The following UVRAG variants were observed in gnomAD, a reference collection of about 807,000 sequenced individuals.
The protein encoded by UVRAG is UV radiation resistance associated.
A neutral mutation model predicts 78.0 loss-of-function variants in UVRAG; 19 were observed. That is an observed-to-expected ratio of 0.24 (90% CI 0.17 to 0.36). The LOEUF (loss-of-function observed/expected upper bound fraction) is 0.36, where lower values mean the gene tolerates loss of function less well. Among genes scored for constraint, UVRAG ranks in the 10% least tolerant of loss-of-function variants. UVRAG has a pLI of 1.00. For synonymous variants in UVRAG, 323 were observed against 324.6 expected, an observed-to-expected ratio of 1.00 and a Z score of 0.05; for missense variants, 740 against 853.8, an observed-to-expected ratio of 0.87 and a Z score of 1.66.
intron 6 of UVRAG, chr11:75,930,947 C>CTTTCTTTCT (rs1555089532): frequency 7.4e-4 from 108 of 146,720 alleles, no homozygotes; most frequent in Admixed American, 1.1e-3. Context: ...TTCTTTCTTT[C>CTTTCTTTCT]TTTCTTTCTT....
intron 5 of UVRAG, among the ~76,000 whole-genome samples, chr11:75,894,357 A>G (rs1282305581): frequency 6.6e-6 from 1 of 152,134 alleles, no homozygotes; most frequent in African/African-American, 2.4e-5. Context: ...GAAGAAAAAA[A>G]AAACTCCAGC....
At chr11:75,872,911 T>C (rs1256841003) in intron 3 of UVRAG, among the ~76,000 whole-genome samples, 1 of 152,200 alleles carries the variant, frequency 6.6e-6, no homozygotes, top group East Asian at 1.9e-4. Context: ...ACTGAACCTT[T>C]GGTAATGGTG....
rs147205003 is a variant in UVRAG, at chr11:75,899,640, C to T, written c.507+10737C>T. ...TGTATGACATCTCCACATTTCTTCC[C>T]ACTTCATATAGTGTGACAGCGTACC... On this transcript the variant is annotated intron_variant, in intron 5 of 14. Coordinates refer to ENST00000356136, the MANE Select transcript of UVRAG (RefSeq NM_003369.4). 1.6e-3 allele frequency among the ~76,000 whole-genome samples: 242 copies of T among 152,312 alleles called. 1 individual carries two copies. The highest frequency in any genetic ancestry group is 5.7e-3 in the African/African-American group (236 of 41,576).
intron 13 of UVRAG, among the ~76,000 whole-genome samples, chr11:76,071,410 T>C (rs1195915520): frequency 2.0e-5 from 3 of 152,122 alleles, no homozygotes; most frequent in Admixed American, 6.5e-5. Flanking sequence ...AGTGTAGTAA[T>C]TGAGTGGCAG....
chr11:75,995,539 A>G (rs1359974011), intron 8 of UVRAG, among the ~76,000 whole-genome samples: 2 of 149,934 alleles, frequency 1.3e-5, no homozygotes, highest in Non-Finnish European at 3.0e-5. Context: ...TGACCTACAT[A>G]TGTAGTTTGT....
chr11:76,037,703 C>T (rs571288136), intron 12 of UVRAG, among the ~76,000 whole-genome samples: 1 of 152,208 alleles, frequency 6.6e-6, no homozygotes, highest in African/African-American at 2.4e-5. Flanking sequence ...AAGAGCAAGA[C>T]CCTGTCGCAA....
chr11:76,112,685 T>C (rs1952097022), intron 13 of UVRAG, among the ~76,000 whole-genome samples: 1 of 152,120 alleles, frequency 6.6e-6, no homozygotes, highest in African/African-American at 2.4e-5. Flanking sequence ...TTTAGTTAGA[T>C]TGAGAAGAGT....
intron 13 of UVRAG, among the ~76,000 whole-genome samples, chr11:76,085,487 A>C (rs1951573658): frequency 6.6e-6 from 1 of 152,228 alleles, no homozygotes. Context: ...TGTGTCACCA[A>C]ACACACTACT....
intron 1 of UVRAG, 102 bp downstream of exon 1, chr11:75,815,626 A>G: frequency 4.7e-6 from 3 of 638,228 alleles, no homozygotes; most frequent in Non-Finnish European, 6.7e-6. Flanking sequence ...CACCCAGAGC[A>G]GGGACCCGGA....
chr11:75,943,732 T>C (rs1166062713), intron 6 of UVRAG, among the ~76,000 whole-genome samples: 2 of 152,148 alleles, frequency 1.3e-5, no homozygotes, highest in African/African-American at 2.4e-5. Flanking sequence ...AATAGAACTT[T>C]CCCACCCACG....
chr11:75,877,490 G>A (rs1180772319), intron 3 of UVRAG, among the ~76,000 whole-genome samples: 2 of 147,930 alleles, frequency 1.4e-5, no homozygotes, highest in South Asian at 2.1e-4. Context: ...CCCGGACGGG[G>A]CGGCTGGCTG....
chr11:75,950,374 C>T (rs1948667577), intron 6 of UVRAG, among the ~76,000 whole-genome samples: 1 of 152,192 alleles, frequency 6.6e-6, no homozygotes, highest in African/African-American at 2.4e-5. Flanking sequence ...ATTCTCCCTT[C>T]AGCCTCCCAC....
intron 1 of UVRAG, among the ~76,000 whole-genome samples, chr11:75,816,173 G>C (rs904894222): frequency 6.6e-5 from 10 of 152,166 alleles, no homozygotes; most frequent in Admixed American, 5.9e-4. Flanking sequence ...GTGAGTCTCT[G>C]TGGAAGGAGG....
At chr11:75,924,891 A>G (rs1190946427) in intron 6 of UVRAG, among the ~76,000 whole-genome samples, 1 of 152,244 alleles carries the variant, frequency 6.6e-6, no homozygotes, top group Non-Finnish European at 1.5e-5. Context: ...AAACATGTTC[A>G]GAACTTTTGG....
At chr11:75,819,933 A>G (rs1212514109) in intron 1 of UVRAG, among the ~76,000 whole-genome samples, 3 of 152,016 alleles carry the variant, frequency 2.0e-5, no homozygotes, top group African/African-American at 7.2e-5. Context: ...GCGCCATTGT[A>G]CTCCAACCTG....
At chr11:75,922,819 G>A (rs920228450) in intron 6 of UVRAG, among the ~76,000 whole-genome samples, 5 of 151,594 alleles carry the variant, frequency 3.3e-5, no homozygotes, top group East Asian at 1.9e-4. Context: ...GTGGTGGCAC[G>A]CACCTGTAAT....
chr11:75,937,749 A>G (rs1490567006), intron 6 of UVRAG, among the ~76,000 whole-genome samples: 2 of 152,048 alleles, frequency 1.3e-5, no homozygotes, highest in Admixed American at 6.6e-5. Context: ...ATTTGTTGGT[A>G]TTCTTGCATC....
At chr11:76,133,489 T>TG (rs1352754844) in intron 14 of UVRAG, among the ~76,000 whole-genome samples, 1 of 152,112 alleles carries the variant, frequency 6.6e-6, no homozygotes, top group East Asian at 1.9e-4. Context: ...AGGGAAATGA[T>TG]GGGGGCAAGG....
intron 8 of UVRAG, among the ~76,000 whole-genome samples, chr11:75,985,841 T>C (rs1716596993): frequency 6.6e-6 from 1 of 152,180 alleles, no homozygotes; most frequent in African/African-American, 2.4e-5. Context: ...GACCATTTGC[T>C]TGTAAGTCTG....
Sources: gnomAD v4.1 joint callset for allele counts (sites outside exome capture counted in the v4.1 genomes callset) on GRCh38, gnomAD v4.1.1 for gene constraint, MANE v1.5 for transcripts, NCBI Gene and HGNC (gene_info 2026-07-23, HGNC 2026-07-21) for gene names.